BAG5: variants seen among roughly 807,000 people sequenced by gnomAD.
The protein encoded by BAG5 is BAG family molecular chaperone regulator 5.
In BAG5, 25 loss-of-function variants were observed where a neutral mutation model predicts 31.8. The ratio of observed to expected loss-of-function variants is 0.79; its 90% confidence interval spans 0.57 to 1.10. The LOEUF (loss-of-function observed/expected upper bound fraction) is 1.10, where lower values mean the gene tolerates loss of function less well. Among genes scored for constraint, BAG5 ranks in the 50% least tolerant of loss-of-function variants. The pLI is 0.00. For missense variants in BAG5, 491 were observed against 527.9 expected (o/e 0.93, Z 0.68); for synonymous variants, 208 against 205.0 (o/e 1.01, Z -0.13).
At chr14:103,562,043 G>A (rs768857299) in intron 1 of BAG5, 10 of 1,474,300 alleles carry the variant, frequency 6.8e-6, no homozygotes, top group African/African-American at 2.8e-5. Context: ...AGGCCACGGA[G>A]GGAAGGCGGC....
rs1436526158 is a variant in BAG5, at chr14:103,557,436, G to C, written c.*2385C>G. On this transcript the variant is annotated 3_prime_UTR_variant, in exon 2 of 2. Coordinates refer to ENST00000299204, the MANE Select transcript of BAG5 (RefSeq NM_001015048.3). ...CATTTCCATGACCAATTACCCATGT[G>C]AACAATTCAAAATGACGGTGGAAGA... is the stretch of plus-strand genomic sequence containing the variant. 1 of 152,108 alleles carries C rather than the reference G, an allele frequency of 6.6e-6. No individual in the cohort carries two copies. The highest frequency in any genetic ancestry group is 1.5e-5 in the Non-Finnish European group (1 of 68,024). The allele number at this position is 152,108 out of a possible 1,614,324, so 9.4% of individuals were successfully genotyped here. A position where few individuals can be genotyped will look rare whatever the true frequency, so the allele number is the denominator to read the frequency against.
chr14:103,559,575 C>T lies in BAG5; in HGVS notation c.*246G>A. On this transcript the variant is annotated 3_prime_UTR_variant, in exon 2 of 2. Coordinates refer to ENST00000299204, the MANE Select transcript of BAG5 (RefSeq NM_001015048.3). ...CTATTTTGTTTTCTGATTAAAAACG[C>T]AAAAAAAAGGACAAACCAAACAAAC... is the stretch of plus-strand genomic sequence containing the variant. The T allele has an allele frequency of 7.1e-6, 3 of 421,520 alleles. No individual in the cohort carries two copies. The highest frequency in any genetic ancestry group is 9.5e-5 in the South Asian group (2 of 21,010). The allele number at this position is 421,520 out of a possible 1,614,324, so 26.1% of individuals were successfully genotyped here.
rs1290497522 is a variant in BAG5 at position 103,559,743 on chromosome 14, T to C, written c.*78A>G. ...TGAGACTGAAATATGCACGTATAAA[T>C]CAATGAACTGAAAGCTCTCTATACA... On this transcript the variant is annotated 3_prime_UTR_variant, in exon 2 of 2. Coordinates refer to ENST00000299204, the MANE Select transcript of BAG5 (RefSeq NM_001015048.3). 13 of 1,490,216 alleles carry C rather than the reference T, an allele frequency of 8.7e-6. No individual in the cohort carries two copies. 92.3% of individuals were successfully genotyped at this position (1,490,216 alleles called of 1,614,324 possible).
rs1036099720 is a variant in BAG5, at chr14:103,559,978, A to C, written c.1187T>G (p.Ile396Ser). The change falls in exon 2 of 2, where the codon ATC becomes AGC. Residue 396 changes from isoleucine to serine, a missense_variant. Physicochemically the swap from Ile to Ser is moderately radical, Grantham distance 142. Coordinates refer to ENST00000299204, the MANE Select transcript of BAG5 (RefSeq NM_001015048.3). ...FDGNRTDKNY[I>S]RLEELLTKQL... ...CTTGGTGAGCAGCTCTTCCAGCCGG[A>C]TGTAGTTCTTATCGGTTCGATTTCC... The C allele has an allele frequency of 6.2e-7, 1 of 1,614,098 alleles. No individual in the cohort carries two copies. The highest frequency in any genetic ancestry group is 8.5e-7 in the Non-Finnish European group (1 of 1,180,054).
Position 103,560,933 on chromosome 14 carries a change from G to T in BAG5, c.232C>A (p.Leu78Ile). 6.2e-7 allele frequency: 1 copy of T among 1,614,146 alleles called. No homozygotes were observed. Among genetic ancestry groups the T allele is most frequent in the Non-Finnish European group, 8.5e-7 (1 of 1,180,038 alleles). The change falls in exon 2 of 2, where the codon CTT becomes ATT. Residue 78 changes from leucine to isoleucine, a missense_variant. Coordinates refer to ENST00000299204, the MANE Select transcript of BAG5 (RefSeq NM_001015048.3). ...GCATTCTGCTCCAACTCTTTGAGAAGACGTTCTGTCTCCTGTGCTGCCCGC... is the reference window on the plus strand; with the variant it reads ...GCATTCTGCTCCAACTCTTTGAGAATACGTTCTGTCTCCTGTGCTGCCCGC... ...RKRAAQETER[L>I]LKELEQNANH... is the part of the protein sequence containing the mutation.
chr14:103,560,694 A>C lies in BAG5; in HGVS notation c.471T>G (p.Cys157Trp), dbSNP rs17854644. 6.2e-7 allele frequency: 1 copy of C among 1,614,158 alleles called. No homozygotes were observed. Among genetic ancestry groups the C allele is most frequent in the Non-Finnish European group, 8.5e-7 (1 of 1,180,030 alleles). Residue 157 changes from cysteine (C) to tryptophan (W), a missense_variant, in exon 2 of 2, where the codon TGT (cysteine) becomes TGG (tryptophan). Cys to Trp is a radical substitution (Grantham distance 215). Coordinates refer to ENST00000299204, the MANE Select transcript of BAG5 (RefSeq NM_001015048.3). ...AGTCTTCGATTATCTCTTGCACCGC[A>C]CAGATTTTGGTTAAAGTGTGATACC... ...KARYHTLTKICAVQEIIEDCM... is the reference protein window; with the variant it reads ...KARYHTLTKIWAVQEIIEDCM...
In BAG5 at chr14:103,560,634, C is replaced by T; in HGVS notation, c.531G>A (p.Glu177=). The T allele has an allele frequency of 6.2e-7, 1 of 1,614,186 alleles. No individual in the cohort carries two copies. The highest frequency in any genetic ancestry group is 2.2e-5 in the East Asian group (1 of 44,886). Reference sequence around the variant, plus strand: ...TTTTGGCAACGGAAGGATGTGCATCCTCGGAAAGCGGCAGGGAAGGCTGCT... The same window carrying T: ...TTTTGGCAACGGAAGGATGTGCATCTTCGGAAAGCGGCAGGGAAGGCTGCT... The part of the protein sequence containing the change: ...MKKQPSLPLS[E]DAHPSVAKIN... Residue 177 remains glutamate (E), a synonymous_variant, in exon 2 of 2, where the codon GAG becomes GAA. Coordinates refer to ENST00000299204, the MANE Select transcript of BAG5 (RefSeq NM_001015048.3).
In BAG5 at chr14:103,560,721, T is replaced by C; in HGVS notation, c.444A>G (p.Ala148=). 1 of 1,614,198 alleles carries C rather than the reference T, an allele frequency of 6.2e-7. No homozygotes were observed. ...KTGGKISLRK[A]RYHTLTKICA... Reference sequence around the variant, plus strand: ...AGATTTTGGTTAAAGTGTGATACCTTGCTTTCCGCAAGGAGATTTTTCCTC... The same window carrying C: ...AGATTTTGGTTAAAGTGTGATACCTCGCTTTCCGCAAGGAGATTTTTCCTC... The change falls in exon 2 of 2, where the codon GCA becomes GCG. Residue 148 remains alanine, a synonymous_variant. Transcript: ENST00000299204.
rs753807360 is a variant in BAG5, at chr14:103,560,758, T to A, written c.407A>T (p.His136Leu). The change falls in exon 2 of 2, where the codon CAT (histidine) becomes CTT (leucine). Residue 136 changes from histidine (H) to leucine (L), a missense_variant. Coordinates refer to ENST00000299204, the MANE Select transcript of BAG5 (RefSeq NM_001015048.3). Reference sequence around the variant, plus strand: ...GGAGATTTTTCCTCCAGTTTTAACATGTGTCAGCCTCAGAATGATATCTTG... The same window carrying A: ...GGAGATTTTTCCTCCAGTTTTAACAAGTGTCAGCCTCAGAATGATATCTTG... ...GIQDIILRLT[H>L]VKTGGKISLR... The A allele has an allele frequency of 6.2e-7, 1 of 1,614,128 alleles. No homozygotes were observed. Among genetic ancestry groups the A allele is most frequent in the Admixed American group, 1.7e-5 (1 of 60,002 alleles).
chr14:103,559,596 C>T lies in BAG5; in HGVS notation c.*225G>A, dbSNP rs1256803195. The T allele has an allele frequency of 1.9e-5, 10 of 519,200 alleles. No homozygotes were observed. Among genetic ancestry groups the T allele is most frequent in the Non-Finnish European group, 2.9e-5 (9 of 313,278 alleles). 32.2% of individuals were successfully genotyped at this position (519,200 alleles called of 1,614,324 possible). On this transcript the variant is annotated 3_prime_UTR_variant, in exon 2 of 2. Coordinates refer to ENST00000299204, the MANE Select transcript of BAG5 (RefSeq NM_001015048.3). ...AACGCAAAAAAAAGGACAAACCAAA[C>T]AAACCACACCACATCATACAGATAA...
At chr14:103,562,007 T>A in intron 1 of BAG5, 1 of 1,610,652 alleles carries the variant, frequency 6.2e-7, no homozygotes, top group Non-Finnish European at 8.5e-7. Context: ...TGGAAACGCA[T>A]AATCTATCCC....
intron 1 of BAG5, chr14:103,562,091 G>T: frequency 2.2e-6 from 2 of 915,152 alleles, no homozygotes; most frequent in Non-Finnish European, 3.6e-6. Context: ...TTCCCTCTTG[G>T]CCCTTTACCC....
rs1313621169 is a variant in BAG5 at position 103,559,883 on chromosome 14, C to G, written c.1282G>C (p.Val428Leu). The G allele has an allele frequency of 6.2e-7, 1 of 1,614,224 alleles. No homozygotes were observed. The highest frequency in any genetic ancestry group is 1.7e-5 in the Admixed American group (1 of 60,034). Reference protein sequence around the residue: ...EKCKAARKQAVRLAQNILSYL... With the variant: ...EKCKAARKQALRLAQNILSYL... ...CTGAGAATATTCTGCGCAAGCCTCA[C>G]AGCTTGTTTCCTGGCAGCCTTACAC... The change falls in exon 2 of 2, where the codon GTG (valine) becomes CTG (leucine). Residue 428 changes from valine to leucine, a missense_variant. Coordinates refer to ENST00000299204, the MANE Select transcript of BAG5 (RefSeq NM_001015048.3).
Position 103,559,286 on chromosome 14 carries a change from A to C in BAG5, c.*535T>G, listed in dbSNP as rs2076055135. On this transcript the variant is annotated 3_prime_UTR_variant, in exon 2 of 2. Coordinates refer to ENST00000299204, the MANE Select transcript of BAG5 (RefSeq NM_001015048.3). ...CAACTAAAAATGTTTACAAAAGAAC[A>C]GACTGTCTGAACAAACAAAAAAACC... The C allele has an allele frequency of 6.6e-6, 1 of 152,308 alleles. No homozygotes were observed. The highest frequency in any genetic ancestry group is 6.5e-5 in the Admixed American group (1 of 15,294). The allele number at this position is 152,308 out of a possible 1,614,324, so 9.4% of individuals were successfully genotyped here.
chr14:103,562,032 G>T, intron 1 of BAG5: 1 of 1,532,858 alleles, frequency 6.5e-7, no homozygotes. Flanking sequence ...GGATGTCCTG[G>T]AGGCCACGGA....
chr14:103,560,561 C>CAAT lies in BAG5; in HGVS notation c.601_603dup (p.Ile201dup), dbSNP rs1043340180. 4 of 1,614,118 alleles carry CAAT rather than the reference C, an allele frequency of 2.5e-6. No individual in the cohort carries two copies. The highest frequency in any genetic ancestry group is 2.5e-6 in the Non-Finnish European group (3 of 1,180,042). On this transcript the variant is annotated inframe_insertion, in exon 2 of 2. Coordinates refer to ENST00000299204, the MANE Select transcript of BAG5 (RefSeq NM_001015048.3). ...TTGTTGTTCACACCCATCAGAAGTG[C>CAAT]AATCAGGACCCCTCGGGCCTTGTTC... is the stretch of plus-strand genomic sequence containing the variant.
rs1003133421 is a variant in BAG5, at chr14:103,559,128, C to T, written c.*693G>A. 1 of 152,070 alleles carries T rather than the reference C, an allele frequency of 6.6e-6. No individual in the cohort carries two copies. Among genetic ancestry groups the T allele is most frequent in the African/African-American group, 2.4e-5 (1 of 41,394 alleles). The allele number at this position is 152,070 out of a possible 1,614,324, so 9.4% of individuals were successfully genotyped here. ...AACTTACAAGGTATTATTGCTGGTCCTTTATCCCTTCTCTTTAATGCAATC... is the reference window on the plus strand; with the variant it reads ...AACTTACAAGGTATTATTGCTGGTCTTTTATCCCTTCTCTTTAATGCAATC... On this transcript the variant is annotated 3_prime_UTR_variant, in exon 2 of 2. Transcript: ENST00000299204.
Position 103,562,610 on chromosome 14 carries a change from G to A in BAG5, c.-29+6C>T, listed in dbSNP as rs898714061. 10 of 177,752 alleles carry A rather than the reference G, an allele frequency of 5.6e-5. No homozygotes were observed. The East Asian group carries it at 1.6e-3, about 28-fold the overall frequency. The allele number at this position is 177,752 out of a possible 1,614,324, so 11.0% of individuals were successfully genotyped here. A position where few individuals can be genotyped will look rare whatever the true frequency, so the allele number is the denominator to read the frequency against. On this transcript the variant is annotated splice_donor_region_variant and intron_variant, in intron 1 of 1. Coordinates refer to ENST00000299204, the MANE Select transcript of BAG5 (RefSeq NM_001015048.3). ...GGGAAAAGGCTACAAGCCGCGCTTC[G>A]CTCACCTGTCCCGCCCGCGCCATCG...
In BAG5 at chr14:103,559,817, T is replaced by C; in HGVS notation, c.*4A>G. ...ACAGTATCAAAAGTGAGATCTCTGG[T>C]ATTTCAGTACTCCCATTCATCAGAT... On this transcript the variant is annotated 3_prime_UTR_variant, in exon 2 of 2. Coordinates refer to ENST00000299204, the MANE Select transcript of BAG5 (RefSeq NM_001015048.3). 1 of 1,609,222 alleles carries C rather than the reference T, an allele frequency of 6.2e-7. No individual in the cohort carries two copies. The highest frequency in any genetic ancestry group is 8.5e-7 in the Non-Finnish European group (1 of 1,176,692).
Sources: gnomAD v4.1 joint callset for allele counts on GRCh38, gnomAD v4.1.1 for gene constraint, MANE v1.5 for transcripts, NCBI Gene and HGNC (gene_info 2026-07-23, HGNC 2026-07-21) for gene names.